LRMDA: variants seen among roughly 807,000 people sequenced by gnomAD.
The protein encoded by LRMDA is leucine-rich melanocyte differentiation-associated protein.
Under a neutral mutation model 29.8 loss-of-function variants are expected in LRMDA, and 18 were observed. The observed-to-expected ratio is 0.60, with a 90% CI of 0.42 to 0.90. The LOEUF (loss-of-function observed/expected upper bound fraction) is 0.90. Among genes scored for constraint, LRMDA ranks in the 40% least tolerant of loss-of-function variants. LRMDA has a pLI of 0.00. For missense variants in LRMDA, 273 were observed against 273.9 expected, an observed-to-expected ratio of 1.00 and a Z score of 0.02; for synonymous variants, 125 against 109.4, an observed-to-expected ratio of 1.14 and a Z score of -0.89.
At chr10:75,473,082 T>C (rs1405100933) in intron 2 of LRMDA, among the ~76,000 whole-genome samples, 3 of 152,274 alleles carry the variant, frequency 2.0e-5, no homozygotes, top group Admixed American at 1.3e-4. Context: ...TCCCCCATGA[T>C]GGACCAGGAG....
intron 6 of LRMDA, among the ~76,000 whole-genome samples, chr10:76,485,040 T>C (rs1842768221): frequency 6.6e-6 from 1 of 151,826 alleles, no homozygotes; most frequent in Admixed American, 6.6e-5. Context: ...CTTAAAATAG[T>C]TTTTCTATAG....
intron 2 of LRMDA, among the ~76,000 whole-genome samples, chr10:75,505,137 G>A (rs1450710530): frequency 1.3e-5 from 2 of 152,164 alleles, no homozygotes; most frequent in Non-Finnish European, 2.9e-5. Flanking sequence ...TTATGACACA[G>A]GTTTGGCTGT....
intron 5 of LRMDA, among the ~76,000 whole-genome samples, chr10:76,158,318 C>T (rs1850579925): frequency 6.6e-6 from 1 of 152,144 alleles, no homozygotes; most frequent in South Asian, 2.1e-4. Context: ...CTATATAAAA[C>T]CTTCTAAACC....
At chr10:76,250,047 C>G (rs1443765490) in intron 5 of LRMDA, among the ~76,000 whole-genome samples, 1 of 152,156 alleles carries the variant, frequency 6.6e-6, no homozygotes, top group Non-Finnish European at 1.5e-5. Flanking sequence ...ATCAGGTGAT[C>G]CACCTGCCTC....
At chr10:75,682,563 T>C (rs1842036791) in intron 2 of LRMDA, among the ~76,000 whole-genome samples, 1 of 152,192 alleles carries the variant, frequency 6.6e-6, no homozygotes, top group Non-Finnish European at 1.5e-5. Flanking sequence ...TATGTACTTA[T>C]ACTATTTTAT....
chr10:76,014,290 T>A (rs1049163777), intron 2 of LRMDA, among the ~76,000 whole-genome samples: 2 of 151,518 alleles, frequency 1.3e-5, no homozygotes, highest in Admixed American at 1.3e-4. Context: ...ATCTGGCTAT[T>A]TACATAAAAA....
chr10:76,066,892 G>A (rs1181661539), intron 5 of LRMDA, among the ~76,000 whole-genome samples: 1 of 152,202 alleles, frequency 6.6e-6, no homozygotes, highest in African/African-American at 2.4e-5. Context: ...CTGGGAGAGG[G>A]AGCCTTAGAG....
At chr10:76,274,742 A>T (rs1282202597) in intron 5 of LRMDA, among the ~76,000 whole-genome samples, 1 of 152,184 alleles carries the variant, frequency 6.6e-6, no homozygotes, top group Non-Finnish European at 1.5e-5. Context: ...AAGAGAGTAT[A>T]TGTGTTTTGA....
At chr10:75,550,137 C>G (rs1840124440) in intron 2 of LRMDA, among the ~76,000 whole-genome samples, 1 of 152,108 alleles carries the variant, frequency 6.6e-6, no homozygotes, top group Non-Finnish European at 1.5e-5. Flanking sequence ...AGTGAATGTT[C>G]CATGGGCCCT....
intron 6 of LRMDA, among the ~76,000 whole-genome samples, chr10:76,399,067 T>C (rs768806709): frequency 1.3e-5 from 2 of 152,222 alleles, no homozygotes; most frequent in Non-Finnish European, 2.9e-5. Flanking sequence ...TGATCATCAC[T>C]AATTCTGGTC....
At chr10:76,105,353 T>C (rs1265749352) in intron 5 of LRMDA, among the ~76,000 whole-genome samples, 3 of 151,860 alleles carry the variant, frequency 2.0e-5, no homozygotes, top group African/African-American at 7.3e-5. Context: ...CTGTGATAGG[T>C]TGAAGAGTGC....
chr10:75,997,825 G>A (rs1847496991), intron 2 of LRMDA, among the ~76,000 whole-genome samples: 1 of 152,196 alleles, frequency 6.6e-6, no homozygotes, highest in Admixed American at 6.5e-5. Flanking sequence ...TGATACTGAT[G>A]GAGATTAACG....
At chr10:76,468,492 A>G (rs1842586108) in intron 6 of LRMDA, among the ~76,000 whole-genome samples, 1 of 152,134 alleles carries the variant, frequency 6.6e-6, no homozygotes, top group South Asian at 2.1e-4. Context: ...AACAGAGTAG[A>G]CTGGGCTCTT....
chr10:75,731,899 G>A lies in LRMDA; in HGVS notation c.131+293405G>A, dbSNP rs529781395. On this transcript the variant is annotated intron_variant, in intron 2 of 6. Coordinates refer to ENST00000611255, the MANE Select transcript of LRMDA (RefSeq NM_001305581.2). The stretch of plus-strand genomic sequence containing the variant: ...TTTCATAATGACATTGAAAAAATCC[G>A]AAGTATATGCATTAAATTCTAACAG... Among the ~76,000 whole-genome samples, 11 of 152,234 alleles carry A rather than the reference G, an allele frequency of 7.2e-5. No individual in the cohort carries two copies. The South Asian group carries it at 1.0e-3, about 14-fold the overall frequency.
chr10:75,466,965 C>CA (rs1844659199), intron 2 of LRMDA, among the ~76,000 whole-genome samples: 1 of 151,300 alleles, frequency 6.6e-6, no homozygotes, highest in Non-Finnish European at 1.5e-5. Flanking sequence ...TCCAGTGACT[C>CA]AGTTGATTTA....
Position 76,385,204 on chromosome 10 carries a change from C to T in LRMDA, c.601+60719C>T, listed in dbSNP as rs1258535297. On this transcript the variant is annotated intron_variant, in intron 6 of 6. Coordinates refer to ENST00000611255, the MANE Select transcript of LRMDA (RefSeq NM_001305581.2). ...AATACGGAATTGGCTTTCAGTTGCC[C>T]GAGGAGAGGAGCTTAAATTCCTAGA... is the stretch of plus-strand genomic sequence containing the variant. Among the ~76,000 whole-genome samples, 6 of 152,232 alleles carry T rather than the reference C, an allele frequency of 3.9e-5. No homozygotes were observed. In the South Asian group the frequency reaches 6.2e-4, roughly 16 times the overall value.
chr10:76,350,423 G>T (rs1433696591), intron 6 of LRMDA, among the ~76,000 whole-genome samples: 1 of 151,004 alleles, frequency 6.6e-6, no homozygotes, highest in Non-Finnish European at 1.5e-5. Context: ...CAAAAGAAAC[G>T]TTCATTATGG....
intron 2 of LRMDA, among the ~76,000 whole-genome samples, chr10:75,656,704 T>G (rs939692629): frequency 3.9e-5 from 6 of 152,218 alleles, no homozygotes; most frequent in African/African-American, 1.4e-4. Flanking sequence ...TGCTTGCTTT[T>G]GTGAGCAGGT....
intron 5 of LRMDA, among the ~76,000 whole-genome samples, chr10:76,112,487 G>C (rs1175124424): frequency 6.6e-6 from 1 of 152,240 alleles, no homozygotes; most frequent in Non-Finnish European, 1.5e-5. Flanking sequence ...CCAAAGAGCC[G>C]GTGGGGAGGG....
Sources: gnomAD v4.1 joint callset for allele counts (sites outside exome capture counted in the v4.1 genomes callset) on GRCh38, gnomAD v4.1.1 for gene constraint, MANE v1.5 for transcripts, NCBI Gene and HGNC (gene_info 2026-07-23, HGNC 2026-07-21) for gene names.